The following DNAH9 variants were observed in gnomAD, a reference collection of about 807,000 sequenced individuals.
DNAH9 encodes the protein dynein axonemal heavy chain 9.
In DNAH9, 345 loss-of-function variants were observed where a neutral mutation model predicts 471.6. That is an observed-to-expected ratio of 0.73 (90% CI 0.67 to 0.80). DNAH9 has a LOEUF of 0.80. Among genes scored for constraint, DNAH9 ranks in the 30% least tolerant of loss-of-function variants. The pLI is 0.00. For missense variants in DNAH9, 5,407 were observed against 5,609.2 expected, an observed-to-expected ratio of 0.96 and a Z score of 1.15; for synonymous variants, 2,093 against 2,123.6, an observed-to-expected ratio of 0.99 and a Z score of 0.40.
intron 49 of DNAH9, among the ~76,000 whole-genome samples, chr17:11,843,243 A>G (rs1971090976): frequency 6.6e-6 from 1 of 152,230 alleles, no homozygotes; most frequent in African/African-American, 2.4e-5. Flanking sequence ...TATCAAACAT[A>G]ATATTATTTA....
At chr17:11,780,873 T>C in intron 38 of DNAH9, 136 bp from the exon 39 acceptor site, 1 of 862,100 alleles carries the variant, frequency 1.2e-6, no homozygotes. Flanking sequence ...GTAGCTGTTA[T>C]TATTGTTGTC....
intron 42 of DNAH9, 94 bp downstream of exon 42, chr17:11,793,758 G>A (rs1001937623): frequency 4.0e-5 from 44 of 1,110,342 alleles, no homozygotes; most frequent in Middle Eastern, 3.1e-4. Flanking sequence ...CTGTTTAATG[G>A]AGAAAGGCCA....
chr17:11,816,113 A>T (rs1970086451), intron 45 of DNAH9, among the ~76,000 whole-genome samples: 1 of 147,344 alleles, frequency 6.8e-6, no homozygotes, highest in African/African-American at 2.7e-5. Flanking sequence ...ACTCTTAGGA[A>T]TGAGTTCCCC....
intron 51 of DNAH9, among the ~76,000 whole-genome samples, chr17:11,870,121 C>A (rs11650774): frequency 0.47 from 71,153 of 152,020 alleles, 17,180 homozygotes; most frequent in Non-Finnish European, 0.53. Flanking sequence ...TCCCAAGAGG[C>A]AGGAAGTGGA....
At chr17:11,611,907 G>A in intron 4 of DNAH9, 127 bp downstream of exon 4, 2 of 875,290 alleles carry the variant, frequency 2.3e-6, no homozygotes, top group South Asian at 1.5e-5. Flanking sequence ...ACACAAACTA[G>A]CATGGTGGCA....
At chr17:11,753,530 T>C (rs962088813) in intron 33 of DNAH9, among the ~76,000 whole-genome samples, 2 of 152,102 alleles carry the variant, frequency 1.3e-5, no homozygotes, top group African/African-American at 4.8e-5. Flanking sequence ...AGCTAGGCGT[T>C]GTGGCAAGCG....
intron 62 of DNAH9, among the ~76,000 whole-genome samples, chr17:11,928,912 G>T (rs1974413584): frequency 6.6e-6 from 1 of 151,882 alleles, no homozygotes; most frequent in Admixed American, 6.6e-5. Flanking sequence ...TAGCTCCCAG[G>T]TACTGCCAAC....
rs1332658025 is a variant in DNAH9 at position 11,880,175 on chromosome 17, G to C, written c.10576G>C (p.Gly3526Arg). Residue 3526 changes from glycine to arginine, a missense_variant, in exon 54 of 69, where the codon GGG becomes CGG. Transcript: ENST00000262442. Reference protein sequence around the residue: ...SIDPVLGPLLGREVIKKGRFI... With the variant: ...SIDPVLGPLLRREVIKKGRFI... ...TGATCCTGTTCTGGGACCCCTGCTT[G>C]GGAGAGAAGTCATTAAAAAAGGACG... 1.9e-6 allele frequency: 3 copies of C among 1,613,702 alleles called. No homozygotes were observed. Among genetic ancestry groups the C allele is most frequent in the Admixed American group, 3.3e-5 (2 of 60,002 alleles).
intron 8 of DNAH9, among the ~76,000 whole-genome samples, chr17:11,635,761 G>C (rs1369429410): frequency 6.6e-6 from 1 of 152,144 alleles, no homozygotes; most frequent in African/African-American, 2.4e-5. Context: ...TCTTGATTTT[G>C]CTGCTCCATG....
chr17:11,903,974 C>T (rs1197829942), intron 60 of DNAH9, among the ~76,000 whole-genome samples: 2 of 152,090 alleles, frequency 1.3e-5, no homozygotes, highest in South Asian at 2.1e-4. Flanking sequence ...TTCCTCCATT[C>T]GTAGTGGCCC....
chr17:11,710,177 T>C (rs1187750598), intron 26 of DNAH9, among the ~76,000 whole-genome samples: 1 of 152,162 alleles, frequency 6.6e-6, no homozygotes, highest in Non-Finnish European at 1.5e-5. Flanking sequence ...TATTTAACAT[T>C]ATATTATGTA....
chr17:11,769,486 A>G (rs1968112994), intron 38 of DNAH9, among the ~76,000 whole-genome samples, 157 bp downstream of exon 38: 1 of 151,830 alleles, frequency 6.6e-6, no homozygotes, highest in Non-Finnish European at 1.5e-5. Flanking sequence ...CTCTCCCTAC[A>G]CACCTCTTTC....
At chr17:11,890,271 A>G (rs752171656) in intron 57 of DNAH9, among the ~76,000 whole-genome samples, 19 of 152,176 alleles carry the variant, frequency 1.2e-4, no homozygotes, top group Non-Finnish European at 2.5e-4. Context: ...GGGGGACATT[A>G]TCAGCCTCTA....
chr17:11,793,629 A>G lies in DNAH9; in HGVS notation c.8188A>G (p.Lys2730Glu), dbSNP rs1422829865. 6.2e-7 allele frequency: 1 copy of G among 1,613,770 alleles called. No individual in the cohort carries two copies. Among genetic ancestry groups the G allele is most frequent in the Non-Finnish European group, 8.5e-7 (1 of 1,179,920 alleles). ...VEEKDFDLFD[K>E]IQTEVLKKTF... ...AGAAAAGGACTTTGATCTTTTTGAT[A>G]AAATCCAGACAGAAGTGCTCAAGAA... The change falls in exon 42 of 69, where the codon AAA (lysine) becomes GAA (glutamate). Residue 2730 changes from lysine (K) to glutamate (E), a missense_variant. By Grantham distance (56) the Lys-to-Glu change is moderately conservative. Around this residue, in one of 3 missense-constraint regions of DNAH9, gnomAD observed 4,636 missense variants for 4,900.3 expected, o/e 0.95. Transcript: ENST00000262442.
At chr17:11,863,494 T>C in intron 50 of DNAH9, among the ~76,000 whole-genome samples, 1 of 152,192 alleles carries the variant, frequency 6.6e-6, no homozygotes, top group Non-Finnish European at 1.5e-5. Context: ...TTTTTGGTTG[T>C]GTCTCTGCCC....
chr17:11,850,726 A>C (rs1971390180), intron 49 of DNAH9, among the ~76,000 whole-genome samples: 1 of 151,952 alleles, frequency 6.6e-6, no homozygotes, highest in Non-Finnish European at 1.5e-5. Context: ...CTGCCCCATG[A>C]GAGTTGACTT....
chr17:11,611,618 C>T lies in DNAH9; in HGVS notation c.774-32C>T, dbSNP rs996294918. On this transcript the variant is annotated intron_variant, in intron 3 of 68. Coordinates refer to ENST00000262442, the MANE Select transcript of DNAH9 (RefSeq NM_001372.4). ...GTGTGACTTGCATTTCCTGATGCTT[C>T]CCTGGATTCACCCTTCTTCATGATA... 1.6e-5 allele frequency: 26 copies of T among 1,608,740 alleles called. No homozygotes were observed. The African/African-American group carries it at 3.3e-4, about 21-fold the overall frequency.
At chr17:11,828,485 A>AAAAAAT (rs1258443254) in intron 48 of DNAH9, among the ~76,000 whole-genome samples, 3 of 151,794 alleles carry the variant, frequency 2.0e-5, no homozygotes, top group Non-Finnish European at 4.4e-5. Flanking sequence ...AAAAAAAAAA[A>AAAAAAT]AATAGTGCCC....
intron 39 of DNAH9, among the ~76,000 whole-genome samples, chr17:11,782,178 G>A (rs559868109): frequency 5.9e-5 from 9 of 152,272 alleles, no homozygotes; most frequent in African/African-American, 2.2e-4. Flanking sequence ...CTATGGAACT[G>A]TTTGCAATCT....
Sources: gnomAD v4.1 joint callset for allele counts (sites outside exome capture counted in the v4.1 genomes callset) on GRCh38, gnomAD v4.1.1 for gene constraint, gnomAD v4.1.1 regional missense constraint, MANE v1.5 for transcripts, NCBI Gene and HGNC (gene_info 2026-07-23, HGNC 2026-07-21) for gene names.